Variants in MACROD2 observed in about 807,000 individuals in gnomAD.
MACROD2 encodes the protein mono-ADP ribosylhydrolase 2, also known as ADP-ribose glycohydrolase MACROD2.
A neutral mutation model predicts 70.4 loss-of-function variants in MACROD2; 36 were observed. The ratio of observed to expected loss-of-function variants is 0.51; its 90% CI spans 0.39 to 0.68. The LOEUF is 0.68. Ranked by LOEUF, MACROD2 falls within the 30% of genes least tolerant of loss-of-function variation. The probability of loss-of-function intolerance (pLI) is 0.00; values close to 1 mark genes in which losing one functional copy is unlikely to be tolerated. For missense variants in MACROD2, 496 were observed against 538.4 expected (o/e 0.92, Z 0.78); for synonymous variants, 172 against 178.8 (o/e 0.96, Z 0.30).
intron 5 of MACROD2, among the ~76,000 whole-genome samples, chr20:14,901,267 AT>A (rs1215759892): frequency 2.6e-5 from 4 of 152,084 alleles, no homozygotes; most frequent in African/African-American, 4.8e-5. Flanking sequence ...TTTTAAAAAA[AT>A]CTTTACAAAT....
At chr20:15,410,105 T>C (rs76449082) in intron 6 of MACROD2, among the ~76,000 whole-genome samples, 2,532 of 152,282 alleles carry the variant, frequency 0.017, 82 homozygotes, top group African/African-American at 0.057. Flanking sequence ...TGAGAATGCG[T>C]AGATATACAT....
At chr20:14,908,645 A>G (rs1308919182) in intron 5 of MACROD2, among the ~76,000 whole-genome samples, 2 of 152,056 alleles carry the variant, frequency 1.3e-5, no homozygotes, top group South Asian at 2.1e-4. Context: ...CCTGGGTGAC[A>G]GAGCAGACTC....
intron 12 of MACROD2, among the ~76,000 whole-genome samples, chr20:15,966,251 A>C (rs2066138396): frequency 2.0e-5 from 3 of 152,202 alleles, no homozygotes; most frequent in Admixed American, 6.5e-5. Flanking sequence ...TCAGTAGAGA[A>C]CACATTTGTA....
At chr20:14,348,278 A>AAAAAAT (rs755694830) in intron 3 of MACROD2, among the ~76,000 whole-genome samples, 48,007 of 143,636 alleles carry the variant, frequency 0.33, 9,165 homozygotes, top group Non-Finnish European at 0.43. Context: ...CAAAAAAAAA[A>AAAAAAT]AAATAAATAA....
chr20:14,670,221 C>G (rs1246036888), intron 4 of MACROD2, among the ~76,000 whole-genome samples: 1 of 152,140 alleles, frequency 6.6e-6, no homozygotes, highest in Non-Finnish European at 1.5e-5. Flanking sequence ...ATTTACTCCT[C>G]ATTCAGACTG....
chr20:14,271,864 T>C (rs2423782), intron 3 of MACROD2, among the ~76,000 whole-genome samples: 97,356 of 151,982 alleles, frequency 0.64, 32,658 homozygotes, highest in Non-Finnish European at 0.75. Context: ...CCTCAGGAGC[T>C]GATGCAATCA....
At chr20:15,274,859 T>C (rs568649312) in intron 6 of MACROD2, among the ~76,000 whole-genome samples, 2 of 152,366 alleles carry the variant, frequency 1.3e-5, no homozygotes, top group South Asian at 4.1e-4. Context: ...AAGGGGCCTC[T>C]GACCTATCCT....
intron 8 of MACROD2, among the ~76,000 whole-genome samples, chr20:15,652,572 C>CA (rs1251976985): frequency 6.6e-6 from 1 of 152,136 alleles, no homozygotes; most frequent in African/African-American, 2.4e-5. Context: ...GTCAGCCTTG[C>CA]AGTGGACACT....
chr20:15,726,160 T>C (rs2050859486), intron 8 of MACROD2, among the ~76,000 whole-genome samples: 1 of 152,166 alleles, frequency 6.6e-6, no homozygotes, highest in Non-Finnish European at 1.5e-5. Flanking sequence ...TAGTTTCCAC[T>C]TATAAATGAG....
At chr20:15,269,910 GC>G (rs1363153865) in intron 6 of MACROD2, among the ~76,000 whole-genome samples, 2 of 151,816 alleles carry the variant, frequency 1.3e-5, no homozygotes, top group Non-Finnish European at 2.9e-5. Context: ...CACCTATTAG[GC>G]CCCCTGTAGG....
intron 8 of MACROD2, among the ~76,000 whole-genome samples, chr20:15,819,286 T>C: frequency 7.1e-6 from 1 of 140,886 alleles, no homozygotes; most frequent in South Asian, 2.2e-4. Context: ...CAATATATAT[T>C]TTATATATAA....
chr20:14,484,436 A>G (rs984706806), intron 3 of MACROD2, among the ~76,000 whole-genome samples: 10 of 152,210 alleles, frequency 6.6e-5, no homozygotes, highest in Admixed American at 6.5e-5. Context: ...TTTGTGTTAC[A>G]AACAATCTAA....
At chr20:15,415,049 G>A (rs1271878542) in intron 6 of MACROD2, among the ~76,000 whole-genome samples, 1 of 152,204 alleles carries the variant, frequency 6.6e-6, no homozygotes, top group Non-Finnish European at 1.5e-5. Context: ...AAATGGTGGA[G>A]AGGGGAGCCA....
intron 3 of MACROD2, among the ~76,000 whole-genome samples, chr20:14,300,262 G>A (rs997105320): frequency 6.6e-6 from 1 of 152,148 alleles, no homozygotes; most frequent in Non-Finnish European, 1.5e-5. Flanking sequence ...TCTTTTATGT[G>A]CATACTTGCA....
At chr20:14,895,704 A>G (rs1600784467) in intron 5 of MACROD2, 1 of 152,158 alleles carries the variant, frequency 6.6e-6, no homozygotes, top group African/African-American at 2.4e-5. Flanking sequence ...TATTTCTAAA[A>G]GATAACTCTT....
At chr20:14,945,444 G>A (rs577644720) in intron 5 of MACROD2, among the ~76,000 whole-genome samples, 24 of 152,230 alleles carry the variant, frequency 1.6e-4, no homozygotes, top group Middle Eastern at 3.4e-3. Context: ...GAAGACAGGG[G>A]CGTCAAGGTT....
chr20:14,039,293 T>C (rs1228583895), intron 2 of MACROD2, among the ~76,000 whole-genome samples: 1 of 152,172 alleles, frequency 6.6e-6, no homozygotes, highest in Non-Finnish European at 1.5e-5. Flanking sequence ...GAGTACTTGA[T>C]TATATTTGAA....
At chr20:14,519,706 C>T (rs1293660270) in intron 4 of MACROD2, among the ~76,000 whole-genome samples, 1 of 152,144 alleles carries the variant, frequency 6.6e-6, no homozygotes, top group Non-Finnish European at 1.5e-5. Context: ...CCAGCAACCC[C>T]ATTATTGGGT....
intron 8 of MACROD2, among the ~76,000 whole-genome samples, chr20:15,680,984 G>T (rs186958752): frequency 6.6e-5 from 10 of 152,300 alleles, no homozygotes; most frequent in Admixed American, 2.0e-4. Context: ...ACATTCTGCT[G>T]TCCATTTTTA....
Sources: allele counts gnomAD v4.1 joint callset (sites outside exome capture counted in the v4.1 genomes callset), GRCh38; gene constraint gnomAD v4.1.1; transcripts MANE v1.5; gene names NCBI Gene and HGNC (gene_info 2026-07-23, HGNC 2026-07-21).